Variants in CEP63 observed in about 807,000 individuals in gnomAD.
CEP63 encodes the protein centrosomal protein 63.
In CEP63, 84 loss-of-function variants were observed where a neutral mutation model predicts 89.1. The observed-to-expected ratio is 0.94, with a 90% CI of 0.79 to 1.13. The LOEUF is 1.13. CEP63 is among the 50% of genes most tolerant of loss of function. The pLI, the probability that CEP63 is intolerant of heterozygous loss-of-function variation, is 0.00. For synonymous variants in CEP63, 267 were observed against 272.5 expected, an observed-to-expected ratio of 0.98 and a Z score of 0.20; for missense variants, 838 against 813.3, an observed-to-expected ratio of 1.03 and a Z score of -0.37.
the CEP63 span, among the ~76,000 whole-genome samples, chr3:134,688,013 G>T: frequency 6.6e-6 from 1 of 152,224 alleles, no homozygotes; most frequent in African/African-American, 2.4e-5. Context: ...TGTAGTTTCT[G>T]AAAAATTAAA....
At position 134,561,490 on chromosome 3, in the gene CEP63, AAG is replaced by A. The variant is rs1278754402; in HGVS notation, c.2074_2075del (p.Ser692Ter). 5.0e-6 allele frequency: 8 copies of A among 1,613,984 alleles called. No homozygotes were observed. The highest frequency in any genetic ancestry group is 1.3e-5 in the African/African-American group (1 of 75,024). ...TGGATGCCCATATTGAAGAACTAAAAAGAGAGAGTGAAAAGACAGTGAGACAA... is the reference window on the plus strand; with the variant it reads ...TGGATGCCCATATTGAAGAACTAAAAAGAGAGTGAAAAGACAGTGAGACAA... ...RLDAHIEELKRESEKTVRQFT... is the reference protein window; with the variant it reads ...RLDAHIEELKXESEKTVRQFT... On this transcript the variant is annotated frameshift_variant, in exon 15 of 15. Transcript: ENST00000675561. LOFTEE classifies it high-confidence loss of function.
intron 3 of CEP63, among the ~76,000 whole-genome samples, chr3:134,520,772 A>G (rs1031460123): frequency 6.6e-6 from 1 of 152,204 alleles, no homozygotes; most frequent in Admixed American, 6.5e-5. Flanking sequence ...ACACTGCAAG[A>G]TGGTGGGGAG....
chr3:134,588,122 G>A (rs564357444), downstream of CEP63, among the ~76,000 whole-genome samples: 26 of 152,116 alleles, frequency 1.7e-4, 1 homozygote, highest in African/African-American at 4.6e-4. Context: ...GCAAAACCCC[G>A]TCTCTACTAA....
At chr3:134,690,868 C>T in the CEP63 span, among the ~76,000 whole-genome samples, 1 of 151,760 alleles carries the variant, frequency 6.6e-6, no homozygotes, top group Non-Finnish European at 1.5e-5. Flanking sequence ...CCTGCCTCAG[C>T]CTCCCAAGTA....
chr3:134,564,871 G>A lies in CEP63; in HGVS notation c.*3336G>A. The A allele has an allele frequency of 1.0e-6, 1 of 985,120 alleles. No individual in the cohort carries two copies. Among genetic ancestry groups the A allele is most frequent in the Non-Finnish European group, 1.2e-6 (1 of 829,708 alleles). 61.0% of individuals were successfully genotyped at this position (985,120 alleles called of 1,614,324 possible). On this transcript the variant is annotated 3_prime_UTR_variant, in exon 15 of 15. Transcript: ENST00000675561. ...ACCGGAAATACTTAAGGAATCATGAGGTACTATGTATTTCCTTAAATTATA... is the reference window on the plus strand; with the variant it reads ...ACCGGAAATACTTAAGGAATCATGAAGTACTATGTATTTCCTTAAATTATA...
intron 12 of CEP63, among the ~76,000 whole-genome samples, chr3:134,556,005 G>C (rs1477075068): frequency 2.0e-5 from 3 of 149,240 alleles, no homozygotes; most frequent in Non-Finnish European, 3.0e-5. Flanking sequence ...ACAAACCTGA[G>C]AAAAACAAGC....
the CEP63 span, among the ~76,000 whole-genome samples, chr3:134,672,438 T>C: frequency 2.0e-5 from 3 of 152,244 alleles, no homozygotes; most frequent in Admixed American, 6.5e-5. Context: ...TATTTATGAC[T>C]TGAAAATAAG....
At chr3:134,656,947 A>G in the CEP63 span, among the ~76,000 whole-genome samples, 1 of 152,230 alleles carries the variant, frequency 6.6e-6, no homozygotes, top group African/African-American at 2.4e-5. Flanking sequence ...AGAGATAATC[A>G]CTTCTAAACA....
At chr3:134,723,926 A>G in the CEP63 span, among the ~76,000 whole-genome samples, 1 of 152,220 alleles carries the variant, frequency 6.6e-6, no homozygotes, top group African/African-American at 2.4e-5. Context: ...ACAATAATTG[A>G]CAACCACCAC....
the CEP63 span, among the ~76,000 whole-genome samples, chr3:134,696,551 A>G: frequency 2.6e-5 from 4 of 152,356 alleles, no homozygotes; most frequent in Admixed American, 1.3e-4. Context: ...TAGAAGTAGT[A>G]TATGATCACT....
the CEP63 span, chr3:134,620,939 G>C: frequency 2.5e-6 from 2 of 813,010 alleles, no homozygotes; most frequent in Non-Finnish European, 4.1e-6. Flanking sequence ...TACAGCCAGT[G>C]CTGCTCTTCC....
chr3:134,777,801 A>G, the CEP63 span, among the ~76,000 whole-genome samples: 5 of 151,470 alleles, frequency 3.3e-5, no homozygotes, highest in African/African-American at 1.2e-4. Flanking sequence ...TTTTTAGTAG[A>G]GATGGGGGTT....
chr3:134,706,555 C>G, the CEP63 span, among the ~76,000 whole-genome samples: 1 of 152,178 alleles, frequency 6.6e-6, no homozygotes, highest in Non-Finnish European at 1.5e-5. Flanking sequence ...GGGACCTATC[C>G]TGCCTCACCC....
At chr3:134,682,806 G>A in the CEP63 span, among the ~76,000 whole-genome samples, 1 of 152,126 alleles carries the variant, frequency 6.6e-6, no homozygotes, top group Non-Finnish European at 1.5e-5. Context: ...TCATTTTACT[G>A]CTAAAGAAAC....
rs551740174 is a variant in CEP63 at position 134,497,832 on chromosome 3, G to A, written c.44+2468G>A. 8.5e-5 allele frequency among the ~76,000 whole-genome samples: 13 copies of A among 152,072 alleles called. No individual in the cohort carries two copies. The South Asian group carries it at 1.0e-3, about 12-fold the overall frequency. On this transcript the variant is annotated intron_variant, in intron 2 of 14. Coordinates refer to ENST00000675561, the MANE Select transcript of CEP63 (RefSeq NM_001353108.3). ...TCCAGCACCATTTATTGAATAGGGC[G>A]TCCTTTTCCCATTGTATGTTATTGG...
intron 6 of CEP63, among the ~76,000 whole-genome samples, chr3:134,545,220 A>G (rs898020246): frequency 6.6e-6 from 1 of 151,946 alleles, no homozygotes; most frequent in Admixed American, 6.6e-5. Flanking sequence ...GATGGTCTCA[A>G]TCTCCTGACC....
the CEP63 span, among the ~76,000 whole-genome samples, chr3:134,739,532 G>C: frequency 5.0e-4 from 76 of 152,090 alleles, no homozygotes; most frequent in Non-Finnish European, 1.0e-3. Flanking sequence ...CAGAAAAATT[G>C]ATAATGCACT....
the CEP63 span, among the ~76,000 whole-genome samples, chr3:134,668,080 T>C: frequency 6.6e-6 from 1 of 152,164 alleles, no homozygotes; most frequent in South Asian, 2.1e-4. Context: ...GCATGCCTCA[T>C]GCTCCGACCA....
intron 3 of CEP63, among the ~76,000 whole-genome samples, chr3:134,523,145 A>T (rs1472861540): frequency 6.6e-6 from 1 of 152,184 alleles, no homozygotes; most frequent in Non-Finnish European, 1.5e-5. Flanking sequence ...TGTTTCTCTT[A>T]AGATCAATGA....
Sources: allele counts gnomAD v4.1 joint callset (sites outside exome capture counted in the v4.1 genomes callset), GRCh38; gene constraint gnomAD v4.1.1; transcripts MANE v1.5; gene names NCBI Gene and HGNC (gene_info 2026-07-23, HGNC 2026-07-21).